CLIC4: variants seen among roughly 807,000 people sequenced by gnomAD.
The protein encoded by CLIC4 is CLIC family member 4, also known as chloride intracellular channel protein 4.
Under a neutral mutation model 24.6 loss-of-function variants are expected in CLIC4, and 13 were observed. That is an observed-to-expected ratio of 0.53 (90% confidence interval 0.34 to 0.84). The LOEUF is 0.84. Ranked by LOEUF, CLIC4 falls within the 40% of genes least tolerant of loss-of-function variation. The pLI, the probability that CLIC4 is intolerant of heterozygous loss-of-function variation, is 0.01. For synonymous variants in CLIC4, 104 were observed against 111.3 expected (o/e 0.93, Z 0.41); for missense variants, 227 against 301.7 (o/e 0.75, Z 1.83).
chr1:24,809,332 C>A (rs1024713638), intron 2 of CLIC4, among the ~76,000 whole-genome samples: 2 of 151,986 alleles, frequency 1.3e-5, no homozygotes, highest in African/African-American at 4.8e-5. Flanking sequence ...GGCTTTCTAA[C>A]CTAAATTGAA....
At chr1:24,835,343 G>A (rs1055400388) in intron 4 of CLIC4, among the ~76,000 whole-genome samples, 2 of 152,080 alleles carry the variant, frequency 1.3e-5, no homozygotes, top group African/African-American at 2.4e-5. Flanking sequence ...CAGGTGGATC[G>A]CTTGAAGCCA....
At chr1:24,784,999 G>A (rs1639249288) in intron 1 of CLIC4, among the ~76,000 whole-genome samples, 1 of 92,970 alleles carries the variant, frequency 1.1e-5, no homozygotes, top group Admixed American at 1.4e-4. Flanking sequence ...GCGAGACTCT[G>A]TCTCAAAAAA....
Position 24,813,046 on chromosome 1 carries a change from CT to C in CLIC4, c.183-1033del, listed in dbSNP as rs1381555303. ...AATACCTTTCTTTCTTTCTTTCTTT[CT>C]TTTTTTTTTTTTTTAAGATGGAGTC... On this transcript the variant is annotated intron_variant, in intron 2 of 5. Coordinates refer to ENST00000374379, the MANE Select transcript of CLIC4 (RefSeq NM_013943.3). 8.3e-3 allele frequency among the ~76,000 whole-genome samples: 850 copies of C among 102,936 alleles called. 7 individuals carry two copies. The highest frequency in any genetic ancestry group is 0.031 in the African/African-American group (704 of 22,380). 67.5% of individuals were successfully genotyped at this position (102,936 alleles called of 152,430 possible). A position where few individuals can be genotyped will look rare whatever the true frequency, so the allele number is the denominator to read the frequency against.
chr1:24,811,325 A>C (rs139659321), intron 2 of CLIC4, among the ~76,000 whole-genome samples: 1 of 152,274 alleles, frequency 6.6e-6, no homozygotes, highest in African/African-American at 2.4e-5. Flanking sequence ...ATTTTACTAT[A>C]TGTGCACGAG....
chr1:24,798,030 G>C (rs1639424082), intron 2 of CLIC4, 179 bp downstream of exon 2: 1 of 493,634 alleles, frequency 2.0e-6, no homozygotes, highest in African/African-American at 2.0e-5. Context: ...TCAGTATACT[G>C]CGTGGCTACT....
intron 1 of CLIC4, among the ~76,000 whole-genome samples, chr1:24,794,958 C>T (rs1267402819): frequency 2.0e-5 from 3 of 152,102 alleles, no homozygotes; most frequent in East Asian, 1.9e-4. Flanking sequence ...GAGTCTTTGA[C>T]GTTGCTTGTT....
chr1:24,819,724 C>T (rs1327039507), intron 3 of CLIC4, among the ~76,000 whole-genome samples: 1 of 151,438 alleles, frequency 6.6e-6, no homozygotes, highest in Non-Finnish European at 1.5e-5. Flanking sequence ...CAGGCATGAG[C>T]CACCGCGCCT....
chr1:24,751,324 C>A (rs984798185), intron 1 of CLIC4, among the ~76,000 whole-genome samples: 1 of 151,688 alleles, frequency 6.6e-6, no homozygotes, highest in Non-Finnish European at 1.5e-5. Flanking sequence ...ATTCTCCTGC[C>A]GCAGACTCCC....
intron 1 of CLIC4, among the ~76,000 whole-genome samples, chr1:24,783,038 G>T (rs1639223850): frequency 6.6e-6 from 1 of 151,738 alleles, no homozygotes; most frequent in Non-Finnish European, 1.5e-5. Context: ...GTTTACCTAG[G>T]TTTACCTATT....
At chr1:24,821,780 C>T (rs932421393) in intron 3 of CLIC4, among the ~76,000 whole-genome samples, 1 of 152,062 alleles carries the variant, frequency 6.6e-6, no homozygotes, top group East Asian at 1.9e-4. Flanking sequence ...AACAGGGTCT[C>T]GCCGTGTTAC....
chr1:24,776,868 T>C (rs1252561002), intron 1 of CLIC4, among the ~76,000 whole-genome samples: 1 of 151,994 alleles, frequency 6.6e-6, no homozygotes, highest in Non-Finnish European at 1.5e-5. Context: ...GCAAAGATCA[T>C]GCCATTGCAC....
At chr1:24,775,929 T>TTA (rs970048182) in intron 1 of CLIC4, among the ~76,000 whole-genome samples, 13 of 152,046 alleles carry the variant, frequency 8.6e-5, no homozygotes, top group Non-Finnish European at 1.5e-4. Context: ...AAATGATAAT[T>TTA]TATATATATA....
intron 1 of CLIC4, among the ~76,000 whole-genome samples, chr1:24,786,657 G>A (rs536269025): frequency 6.0e-5 from 9 of 151,222 alleles, no homozygotes; most frequent in Admixed American, 1.3e-4. Context: ...TTGCTCTGTC[G>A]CCCAGGCTGG....
chr1:24,820,912 G>A (rs772562067), intron 3 of CLIC4, among the ~76,000 whole-genome samples: 4 of 152,124 alleles, frequency 2.6e-5, no homozygotes, highest in Admixed American at 6.6e-5. Context: ...GGCTGGGCGC[G>A]GTGGCTCATG....
intron 1 of CLIC4, among the ~76,000 whole-genome samples, chr1:24,792,815 G>A (rs1385733744): frequency 1.3e-5 from 2 of 152,218 alleles, no homozygotes. Context: ...GCAGTCACCT[G>A]TGAAAGGAAA....
At chr1:24,748,452 GTGATTCAACATAGGCAAACTTTGCAC>G in intron 1 of CLIC4, among the ~76,000 whole-genome samples, 1 of 144,676 alleles carries the variant, frequency 6.9e-6, no homozygotes, top group African/African-American at 2.6e-5. Context: ...CTGCTACCCA[GTGATTCAACATAGGCAAACTTTGCAC>G]TGATACAGAT....
At chr1:24,826,767 G>A (rs1639790725) in intron 3 of CLIC4, among the ~76,000 whole-genome samples, 1 of 152,190 alleles carries the variant, frequency 6.6e-6, no homozygotes, top group South Asian at 2.1e-4. Flanking sequence ...TTTATCAGAT[G>A]GAGGTGGAGT....
chr1:24,839,729 T>G, intron 4 of CLIC4, 131 bp from the exon 5 acceptor site: 1 of 744,498 alleles, frequency 1.3e-6, no homozygotes, highest in Non-Finnish European at 2.1e-6. Flanking sequence ...CCTTGTCTGT[T>G]TTGTTCTACA....
intron 1 of CLIC4, among the ~76,000 whole-genome samples, chr1:24,769,822 A>C (rs1639050242): frequency 6.6e-6 from 1 of 151,650 alleles, no homozygotes; most frequent in Admixed American, 6.6e-5. Flanking sequence ...AGCACTTTAG[A>C]GGGTTTATTT....
Sources: allele counts gnomAD v4.1 joint callset (sites outside exome capture counted in the v4.1 genomes callset), GRCh38; gene constraint gnomAD v4.1.1; transcripts MANE v1.5; gene names NCBI Gene and HGNC (gene_info 2026-07-23, HGNC 2026-07-21).